The following TRIOBP variants were observed in gnomAD, a reference collection of about 807,000 sequenced individuals.
TRIOBP encodes TRIO and F-actin binding protein.
Under a neutral mutation model 238.8 loss-of-function variants are expected in TRIOBP, and 169 were observed. The ratio of observed to expected loss-of-function variants is 0.71; its 90% CI spans 0.62 to 0.80. The LOEUF (loss-of-function observed/expected upper bound fraction) is 0.80. Among genes scored for constraint, TRIOBP ranks in the 30% least tolerant of loss-of-function variants. The pLI, the probability that TRIOBP is intolerant of heterozygous loss-of-function variation, is 0.00. For missense variants in TRIOBP, 2,838 were observed against 3,122.6 expected (o/e 0.91, Z 2.17); for synonymous variants, 1,150 against 1,274.4 (o/e 0.90, Z 2.08).
At chr22:37,756,294 C>T (rs1405710414) in intron 15 of TRIOBP, among the ~76,000 whole-genome samples, 1 of 152,126 alleles carries the variant, frequency 6.6e-6, no homozygotes, top group Non-Finnish European at 1.5e-5. Flanking sequence ...GACCTCGTCC[C>T]TACAAAAAAT....
chr22:37,749,652 ACT>A (rs1039890289), intron 11 of TRIOBP, among the ~76,000 whole-genome samples: 11 of 150,992 alleles, frequency 7.3e-5, no homozygotes, highest in African/African-American at 2.4e-4. Context: ...CAGTTTAAAA[ACT>A]CACATTGGTT....
intron 17 of TRIOBP, among the ~76,000 whole-genome samples, chr22:37,762,920 G>A (rs1326880690): frequency 6.6e-6 from 1 of 152,156 alleles, no homozygotes; most frequent in Non-Finnish European, 1.5e-5. Context: ...CTGGTAAAGA[G>A]AACCTTTCCC....
rs1337728613 is a variant in TRIOBP at position 37,768,111 on chromosome 22, G to A, written c.6510G>A (p.Leu2170=). The part of the protein sequence containing the change: ...EAMKKAYQEE[L]SRELSKTRSL... ...TGAAGAAGGCCTACCAGGAAGAGCT[G>A]AGCCGAGAGCTGAGCAAAACACGGA... Residue 2170 remains leucine, a synonymous_variant, in exon 19 of 24, where the codon CTG becomes CTA. Coordinates refer to ENST00000644935, the MANE Select transcript of TRIOBP (RefSeq NM_001039141.3). 1 of 1,613,550 alleles carries A rather than the reference G, an allele frequency of 6.2e-7. No individual in the cohort carries two copies. The highest frequency in any genetic ancestry group is 8.5e-7 in the Non-Finnish European group (1 of 1,179,762).
At chr22:37,760,577 A>T (rs1926191520) in intron 17 of TRIOBP, among the ~76,000 whole-genome samples, 2 of 152,228 alleles carry the variant, frequency 1.3e-5, no homozygotes, top group Non-Finnish European at 2.9e-5. Flanking sequence ...GTTAATTTAA[A>T]GTATATAAAT....
chr22:37,709,065 T>C (rs1175320417), intron 3 of TRIOBP, among the ~76,000 whole-genome samples: 3 of 152,196 alleles, frequency 2.0e-5, no homozygotes, highest in Non-Finnish European at 4.4e-5. Context: ...TGACACCTCC[T>C]GCTGCCGAGC....
intron 6 of TRIOBP, among the ~76,000 whole-genome samples, chr22:37,719,685 G>A (rs4821699): frequency 0.24 from 37,156 of 151,866 alleles, 5,458 homozygotes; most frequent in South Asian, 0.4. Context: ...TGGGCTCCCC[G>A]ATCCCTCACT....
intron 11 of TRIOBP, chr22:37,751,526 C>G: frequency 1.8e-6 from 1 of 560,660 alleles, no homozygotes; most frequent in Non-Finnish European, 3.2e-6. Flanking sequence ...GGTGTGTGTG[C>G]CAGCCACCCA....
intron 11 of TRIOBP, among the ~76,000 whole-genome samples, chr22:37,750,009 C>T (rs1044035560): frequency 5.9e-5 from 9 of 152,092 alleles, no homozygotes; most frequent in African/African-American, 1.9e-4. Flanking sequence ...TGTGTCATGG[C>T]GTGCCTGACA....
chr22:37,743,414 A>T (rs972585301), intron 11 of TRIOBP, among the ~76,000 whole-genome samples: 2 of 152,176 alleles, frequency 1.3e-5, no homozygotes, highest in Admixed American at 6.5e-5. Context: ...TTGCCAGTTT[A>T]ATAACTCACC....
chr22:37,755,353 C>T, intron 14 of TRIOBP, 163 bp downstream of exon 14: 1 of 927,484 alleles, frequency 1.1e-6, no homozygotes, highest in Non-Finnish European at 1.7e-6. Context: ...CAACACTTAG[C>T]ATATCTGGGG....
At chr22:37,759,483 T>G in intron 17 of TRIOBP, 1 of 1,595,312 alleles carries the variant, frequency 6.3e-7, no homozygotes. Flanking sequence ...GTTATGTGAC[T>G]TGCCCAAGGT....
chr22:37,765,305 C>A (rs891985664), intron 17 of TRIOBP, among the ~76,000 whole-genome samples: 20 of 151,698 alleles, frequency 1.3e-4, no homozygotes, highest in African/African-American at 2.2e-4. Flanking sequence ...AACAAAAAAA[C>A]CACAAAATTC....
In TRIOBP at chr22:37,754,864, A is replaced by G. The variant is rs186129864; in HGVS notation, c.5380-13A>G. 2.0e-5 allele frequency: 33 copies of G among 1,613,438 alleles called. No homozygotes were observed. The Admixed American group carries it at 3.0e-4, about 15-fold the overall frequency. ...TCACACACACTGGCTCTTTCATTCC[A>G]TCCTCCTTGCAGCCTCCCTCCCCCT... On this transcript the variant is annotated splice_polypyrimidine_tract_variant and intron_variant, in intron 12 of 23. Coordinates refer to ENST00000644935, the MANE Select transcript of TRIOBP (RefSeq NM_001039141.3).
intron 3 of TRIOBP, among the ~76,000 whole-genome samples, chr22:37,704,659 C>CAA (rs34869545): frequency 3.8e-5 from 5 of 132,426 alleles, no homozygotes; most frequent in African/African-American, 8.3e-5. Context: ...AAAGTTTCTC[C>CAA]AAAAAAAAAA....
At position 37,710,584 on chromosome 22, in the gene TRIOBP, G is replaced by A. The variant is rs1322791336; in HGVS notation, c.254+18G>A. The A allele has an allele frequency of 6.2e-7, 1 of 1,604,394 alleles. No homozygotes were observed. The highest frequency in any genetic ancestry group is 8.5e-7 in the Non-Finnish European group (1 of 1,177,698). ...CCCAAGAGGTGGGTAGAGTCCCAGG[G>A]CCCAGGAAGGGCTTCATGGGGTGGA... On this transcript the variant is annotated intron_variant, in intron 4 of 23. Coordinates refer to ENST00000644935, the MANE Select transcript of TRIOBP (RefSeq NM_001039141.3).
At chr22:37,772,896 A>G in intron 23 of TRIOBP, 132 bp downstream of exon 23, 3 of 1,148,076 alleles carry the variant, frequency 2.6e-6, no homozygotes, top group Admixed American at 2.2e-5. Context: ...AAAAAGGACA[A>G]TGAAACCAGC....
intron 3 of TRIOBP, among the ~76,000 whole-genome samples, chr22:37,708,102 T>C (rs1923044053): frequency 6.7e-6 from 1 of 149,180 alleles, no homozygotes; most frequent in Non-Finnish European, 1.5e-5. Flanking sequence ...AAAAATTAGC[T>C]GGGCATGGTG....
intron 6 of TRIOBP, among the ~76,000 whole-genome samples, chr22:37,720,157 G>A (rs1251257526): frequency 1.3e-5 from 2 of 151,730 alleles, no homozygotes; most frequent in Admixed American, 1.3e-4. Flanking sequence ...TTACAGGCAT[G>A]CACCACCACG....
chr22:37,723,721 A>G lies in TRIOBP; in HGVS notation c.1165A>G (p.Arg389Gly). Residue 389 changes from arginine (R) to glycine (G), a missense_variant, in exon 7 of 24, where the codon AGA (arginine) becomes GGA (glycine). Transcript: ENST00000644935. ...ACCCTGTGTCCAGCAGGACGATCCC[A>G]GAGCCTCCTCTCCCAACAGAACCAC... ...RTPCVQQDDPRASSPNRTTQR... is the reference protein window; with the variant it reads ...RTPCVQQDDPGASSPNRTTQR... 1 of 1,607,586 alleles carries G rather than the reference A, an allele frequency of 6.2e-7. No individual in the cohort carries two copies. The highest frequency in any genetic ancestry group is 8.5e-7 in the Non-Finnish European group (1 of 1,176,362).
Sources: allele counts gnomAD v4.1 joint callset (sites outside exome capture counted in the v4.1 genomes callset), GRCh38; gene constraint gnomAD v4.1.1; transcripts MANE v1.5; gene names NCBI Gene and HGNC (gene_info 2026-07-23, HGNC 2026-07-21).